NAALADL2: variants seen among roughly 807,000 people sequenced by gnomAD.
NAALADL2 encodes inactive N-acetylated-alpha-linked acidic dipeptidase-like protein 2.
Under a neutral mutation model 87.2 loss-of-function variants are expected in NAALADL2, and 76 were observed. That is an observed-to-expected ratio of 0.87 (90% confidence interval 0.72 to 1.05). The LOEUF is 1.05. Ranked by LOEUF, NAALADL2 falls within the 50% of genes least tolerant of loss-of-function variation. The probability of loss-of-function intolerance (pLI) is 0.00; values close to 1 mark genes in which losing one functional copy is unlikely to be tolerated. For synonymous variants in NAALADL2, 354 were observed against 331.0 expected, an observed-to-expected ratio of 1.07 and a Z score of -0.75; for missense variants, 1,089 against 945.8, an observed-to-expected ratio of 1.15 and a Z score of -1.99.
chr3:174,833,429 A>G (rs1722967608), intron 3 of NAALADL2, among the ~76,000 whole-genome samples: 2 of 152,116 alleles, frequency 1.3e-5, no homozygotes, highest in Non-Finnish European at 2.9e-5. Flanking sequence ...CCATTCCAGA[A>G]AGGAAGCTCC....
At chr3:175,080,868 T>G (rs1717664239) in intron 1 of NAALADL2, among the ~76,000 whole-genome samples, 1 of 152,234 alleles carries the variant, frequency 6.6e-6, no homozygotes, top group African/African-American at 2.4e-5. Context: ...TTGTGTAATT[T>G]TAAAGAGAAA....
At chr3:175,130,622 C>T (rs372627564) in intron 2 of NAALADL2, among the ~76,000 whole-genome samples, 1 of 152,154 alleles carries the variant, frequency 6.6e-6, no homozygotes, top group African/African-American at 2.4e-5. Flanking sequence ...ATTGTGTATT[C>T]TTGGCACCCT....
chr3:174,818,360 C>T (rs951464118), intron 3 of NAALADL2, among the ~76,000 whole-genome samples: 1 of 152,034 alleles, frequency 6.6e-6, no homozygotes, highest in Middle Eastern at 3.2e-3. Flanking sequence ...ATACCCCTAA[C>T]TGCGGAGATG....
At position 175,142,616 on chromosome 3, in the gene NAALADL2, T is replaced by A. The variant is rs567377078; in HGVS notation, c.545+45325T>A. On this transcript the variant is annotated intron_variant, in intron 2 of 13. Coordinates refer to ENST00000454872, the MANE Select transcript of NAALADL2 (RefSeq NM_207015.3). Reference sequence around the variant, plus strand: ...GTCCTCTATTACTGCACTTTTTTTTTTAAAACATAGTTTACATGATTTCTC... The same window carrying A: ...GTCCTCTATTACTGCACTTTTTTTTATAAAACATAGTTTACATGATTTCTC... 1.9e-3 allele frequency among the ~76,000 whole-genome samples: 286 copies of A among 151,978 alleles called. 5 individuals carry two copies. The highest frequency in any genetic ancestry group is 0.01 in the Middle Eastern group (3 of 294).
At chr3:174,993,886 A>G (rs988579946) in intron 1 of NAALADL2, among the ~76,000 whole-genome samples, 3 of 152,162 alleles carry the variant, frequency 2.0e-5, no homozygotes, top group African/African-American at 7.2e-5. Flanking sequence ...TTGCAGTGTT[A>G]CCTGCAATCC....
At chr3:175,064,247 G>GA (rs368197778) in intron 1 of NAALADL2, among the ~76,000 whole-genome samples, 2,534 of 116,118 alleles carry the variant, frequency 0.022, 73 homozygotes, top group African/African-American at 0.072. Flanking sequence ...GGGAAAAGAA[G>GA]AAAAAAAAAA....
intron 2 of NAALADL2, among the ~76,000 whole-genome samples, chr3:175,180,873 C>A (rs1213685499): frequency 1.3e-5 from 2 of 151,926 alleles, no homozygotes; most frequent in Non-Finnish European, 2.9e-5. Flanking sequence ...TACAGATAAG[C>A]AATCTGAATT....
At chr3:175,134,949 A>T (rs1275608380) in intron 2 of NAALADL2, among the ~76,000 whole-genome samples, 2 of 152,200 alleles carry the variant, frequency 1.3e-5, no homozygotes, top group Non-Finnish European at 2.9e-5. Flanking sequence ...GATATCAAAT[A>T]TATCCACATA....
chr3:174,540,868 G>C (rs546939427), intron 1 of NAALADL2: 92 of 152,188 alleles, frequency 6.0e-4, no homozygotes, highest in African/African-American at 2.1e-3. Flanking sequence ...CTAATGATAG[G>C]TATTTTTAAA....
At chr3:174,481,381 T>C (rs1210603224) in intron 1 of NAALADL2, among the ~76,000 whole-genome samples, 2 of 152,072 alleles carry the variant, frequency 1.3e-5, no homozygotes, top group Non-Finnish European at 2.9e-5. Flanking sequence ...GGAGGTTGTG[T>C]CACATATGGT....
rs199608796 is a variant in NAALADL2, at chr3:175,791,607, T to TG, written c.2190-11393dup. On this transcript the variant is annotated intron_variant, in intron 13 of 13. Transcript: ENST00000454872. ...AGTGTTCCCAATGCAATGGTGGCAG[T>TG]GGGGGTATCTCAAACATTGATGTCC... 7.0e-3 allele frequency among the ~76,000 whole-genome samples: 1,063 copies of TG among 152,204 alleles called. 40 individuals are homozygous for TG. Among genetic ancestry groups the TG allele is most frequent in the Admixed American group, 0.059 (901 of 15,284 alleles).
rs1728410220 is a variant in NAALADL2, at chr3:175,133,026, G to GCGCTCCC, written c.545+35736_545+35737insGCTCCCC. 2.0e-5 allele frequency among the ~76,000 whole-genome samples: 3 copies of GCGCTCCC among 148,996 alleles called. 1 individual carries two copies. Among genetic ancestry groups the GCGCTCCC allele is most frequent in the East Asian group, 4.1e-4 (2 of 4,886 alleles). On this transcript the variant is annotated intron_variant, in intron 2 of 13. Coordinates refer to ENST00000454872, the MANE Select transcript of NAALADL2 (RefSeq NM_207015.3). ...CAGACGGAGTCGCAGCCAGGTAGAGGCACTCCCCACATCCCAGACGGGGCG... is the reference window on the plus strand; with the variant it reads ...CAGACGGAGTCGCAGCCAGGTAGAGGCGCTCCCCACTCCCCACATCCCAGACGGGGCG...
intron 2 of NAALADL2, among the ~76,000 whole-genome samples, chr3:174,728,544 A>G (rs1732414536): frequency 6.6e-6 from 1 of 152,082 alleles, no homozygotes; most frequent in South Asian, 2.1e-4. Context: ...TATTAGGGCA[A>G]GCATTTGAAC....
At chr3:175,017,902 C>T (rs1479347038) in intron 1 of NAALADL2, among the ~76,000 whole-genome samples, 3 of 151,978 alleles carry the variant, frequency 2.0e-5, no homozygotes, top group African/African-American at 7.2e-5. Flanking sequence ...AGTATCATGG[C>T]TTTTGCTGCT....
chr3:175,062,511 TG>T (rs1413238580), intron 1 of NAALADL2, among the ~76,000 whole-genome samples: 4 of 148,536 alleles, frequency 2.7e-5, no homozygotes, highest in Admixed American at 6.6e-5. Flanking sequence ...TGTGTGTGTG[TG>T]TGTGTGTGTG....
chr3:175,361,714 G>C lies in NAALADL2; in HGVS notation c.1090+37389G>C, dbSNP rs1253576759. The stretch of plus-strand genomic sequence containing the variant: ...CCTTCGCCCACTTTTTGATGGGGTT[G>C]TTTGATTTTTTCTTGTAAATTTGTT... On this transcript the variant is annotated intron_variant, in intron 5 of 13. Transcript: ENST00000454872. 3.4e-5 allele frequency among the ~76,000 whole-genome samples: 5 copies of C among 148,218 alleles called. 1 individual carries two copies.
At chr3:175,183,979 C>T (rs1310060467) in intron 2 of NAALADL2, among the ~76,000 whole-genome samples, 1 of 136,324 alleles carries the variant, frequency 7.3e-6, no homozygotes. Flanking sequence ...GACTGTTTCC[C>T]TTTATTTTTC....
At chr3:175,262,336 G>A (rs933589685) in intron 4 of NAALADL2, among the ~76,000 whole-genome samples, 5 of 151,862 alleles carry the variant, frequency 3.3e-5, no homozygotes, top group African/African-American at 1.2e-4. Context: ...AAGAACATTT[G>A]TTCAATCCAA....
chr3:174,738,904 A>C (rs2109004003), intron 3 of NAALADL2, among the ~76,000 whole-genome samples: 1 of 152,282 alleles, frequency 6.6e-6, no homozygotes, highest in South Asian at 2.1e-4. Context: ...GCATCAGTTT[A>C]ATCTTTTTTC....
Sources: allele counts gnomAD v4.1 joint callset (sites outside exome capture counted in the v4.1 genomes callset), GRCh38; gene constraint gnomAD v4.1.1; transcripts MANE v1.5; gene names NCBI Gene and HGNC (gene_info 2026-07-23, HGNC 2026-07-21).